The following ITPRID1 variants were observed in gnomAD, a reference collection of about 807,000 sequenced individuals.
ITPRID1 encodes ITPR interacting domain containing 1, also known as protein ITPRID1.
ITPRID1 carries 96 observed loss-of-function variants against 95.4 expected under a neutral mutation model. The observed-to-expected ratio is 1.01, with a 90% CI of 0.85 to 1.19. ITPRID1 has a LOEUF of 1.19. ITPRID1 is among the 50% of genes most tolerant of loss of function. The pLI is 0.00. For missense variants in ITPRID1, 1,339 were observed against 1,252.9 expected (o/e 1.07, Z -1.04); for synonymous variants, 510 against 453.6 (o/e 1.12, Z -1.58).
chr7:31,645,119 G>A (rs1336298017), intron 12 of ITPRID1, among the ~76,000 whole-genome samples: 1 of 152,174 alleles, frequency 6.6e-6, no homozygotes, highest in East Asian at 1.9e-4. Context: ...GACTAAGTGG[G>A]AAGTCCAAAT....
chr7:31,624,304 G>A (rs904119371), intron 10 of ITPRID1, among the ~76,000 whole-genome samples: 41 of 142,496 alleles, frequency 2.9e-4, no homozygotes, highest in South Asian at 2.5e-4. Flanking sequence ...AAAAGAGCCC[G>A]CATCACCAAG....
intron 10 of ITPRID1, among the ~76,000 whole-genome samples, chr7:31,592,068 AG>A (rs1225750756): frequency 3.9e-5 from 6 of 152,346 alleles, no homozygotes; most frequent in African/African-American, 1.4e-4. Context: ...ATAATTTAGA[AG>A]GGTAAGAAAA....
At chr7:31,603,792 A>G (rs1786498752) in intron 10 of ITPRID1, among the ~76,000 whole-genome samples, 1 of 152,036 alleles carries the variant, frequency 6.6e-6, no homozygotes, top group Admixed American at 6.6e-5. Flanking sequence ...CAATCGCCCA[A>G]TTTTGCATCT....
chr7:31,645,439 A>C (rs1790379059), intron 12 of ITPRID1, among the ~76,000 whole-genome samples: 1 of 152,216 alleles, frequency 6.6e-6, no homozygotes. Context: ...GGTAAGAGAA[A>C]GCTTCATTTA....
At chr7:31,551,028 T>C (rs545402212) in intron 2 of ITPRID1, among the ~76,000 whole-genome samples, 1 of 143,910 alleles carries the variant, frequency 6.9e-6, no homozygotes, top group African/African-American at 2.4e-5. Flanking sequence ...CCATTCTAAA[T>C]GAAACTCACT....
chr7:31,617,687 G>GATTTAT (rs1340580006), intron 10 of ITPRID1, among the ~76,000 whole-genome samples: 26 of 152,082 alleles, frequency 1.7e-4, no homozygotes, highest in African/African-American at 6.0e-4. Context: ...GTCATTTTCT[G>GATTTAT]ATTTATATTA....
chr7:31,637,394 A>G (rs553876300), intron 10 of ITPRID1, among the ~76,000 whole-genome samples: 102 of 152,104 alleles, frequency 6.7e-4, no homozygotes, highest in African/African-American at 2.2e-3. Context: ...CCTCTCCAGC[A>G]CCTGTTGTTT....
chr7:31,622,201 G>T (rs6972480), intron 10 of ITPRID1, among the ~76,000 whole-genome samples: 8 of 128,904 alleles, frequency 6.2e-5, no homozygotes, highest in Non-Finnish European at 1.3e-4. Flanking sequence ...ATCAACGAGA[G>T]AGAAAGTCAA....
At chr7:31,518,923 T>G (rs1249536740) in intron 1 of ITPRID1, among the ~76,000 whole-genome samples, 1 of 152,180 alleles carries the variant, frequency 6.6e-6, no homozygotes, top group African/African-American at 2.4e-5. Flanking sequence ...CAAAAGAAGT[T>G]GGGCAAGTCA....
chr7:31,649,420 T>G (rs1283284659), intron 12 of ITPRID1, among the ~76,000 whole-genome samples: 1 of 152,166 alleles, frequency 6.6e-6, no homozygotes, highest in Non-Finnish European at 1.5e-5. Flanking sequence ...TCAGTTTCCT[T>G]TAAAGCACAC....
chr7:31,591,851 CA>C (rs1293376259), intron 10 of ITPRID1, among the ~76,000 whole-genome samples: 1 of 151,908 alleles, frequency 6.6e-6, no homozygotes, highest in Non-Finnish European at 1.5e-5. Context: ...ACTGTTGTAA[CA>C]AAAATGGTAG....
intron 10 of ITPRID1, among the ~76,000 whole-genome samples, chr7:31,625,093 G>A (rs1408632273): frequency 6.6e-6 from 1 of 152,176 alleles, no homozygotes; most frequent in African/African-American, 2.4e-5. Context: ...ACACCAGTTA[G>A]AATGGCAATC....
chr7:31,554,644 G>A (rs12155214), intron 4 of ITPRID1, 121 bp downstream of exon 4: 3 of 1,229,524 alleles, frequency 2.4e-6, no homozygotes, highest in South Asian at 1.4e-5. Flanking sequence ...TTAATTGTAC[G>A]TGAAGTATTA....
intron 5 of ITPRID1, among the ~76,000 whole-genome samples, chr7:31,568,064 T>C (rs1421164463): frequency 6.6e-6 from 1 of 151,558 alleles, no homozygotes; most frequent in Admixed American, 6.6e-5. Flanking sequence ...AGGCAGAGTT[T>C]GCAGTGAGCT....
At chr7:31,603,040 G>A (rs1267611800) in intron 10 of ITPRID1, among the ~76,000 whole-genome samples, 1 of 151,940 alleles carries the variant, frequency 6.6e-6, no homozygotes, top group African/African-American at 2.4e-5. Context: ...TGTCTTGGGG[G>A]TAGCCACACT....
In ITPRID1 at chr7:31,652,572, T is replaced by C. The variant is rs1791059259; in HGVS notation, c.2878T>C (p.Tyr960His). The C allele has an allele frequency of 5.0e-6, 8 of 1,611,274 alleles. No homozygotes were observed. The East Asian group carries it at 1.6e-4, about 32-fold the overall frequency. Residue 960 changes from tyrosine (Y) to histidine (H), a missense_variant, in exon 15 of 15, where the codon TAT becomes CAT. By Grantham distance (83) the Tyr-to-His change is moderately conservative (BLOSUM62 2). Transcript: ENST00000615280. ...TGAACACTATTCAAATCTGCATCAA[T>C]ATAACTGGATAGAAGAAAGCAATGG... ...PPEHYSNLHQ[Y>H]NWIEESNGQT...
intron 10 of ITPRID1, among the ~76,000 whole-genome samples, chr7:31,637,233 G>A: frequency 6.6e-6 from 1 of 151,634 alleles, no homozygotes; most frequent in African/African-American, 2.4e-5. Context: ...ATGATTTATA[G>A]TCCTTTGGGT....
Position 31,643,863 on chromosome 7 carries a change from C to A in ITPRID1, c.2493C>A (p.His831Gln). The change falls in exon 12 of 15, where the codon CAC (histidine) becomes CAA (glutamine). Residue 831 changes from histidine to glutamine, a missense_variant. His to Gln is a conservative substitution (Grantham distance 24). Transcript: ENST00000615280. ...SPGPEPSVCR[H>Q]CLCSLTGHQE... Reference sequence around the variant, plus strand: ...GCCCTGAACCCTCAGTCTGTAGGCACTGCCTGTGTTCACTAACTGGTCACC... The same window carrying A: ...GCCCTGAACCCTCAGTCTGTAGGCAATGCCTGTGTTCACTAACTGGTCACC... 1 of 1,613,936 alleles carries A rather than the reference C, an allele frequency of 6.2e-7. No individual in the cohort carries two copies. Among genetic ancestry groups the A allele is most frequent in the South Asian group, 1.1e-5 (1 of 91,086 alleles).
chr7:31,639,486 T>C (rs181733732), intron 10 of ITPRID1, among the ~76,000 whole-genome samples: 1 of 151,956 alleles, frequency 6.6e-6, no homozygotes, highest in Admixed American at 6.5e-5. Context: ...TCATCTTTCC[T>C]CTAGCTTCTT....
Sources: allele counts gnomAD v4.1 joint callset (sites outside exome capture counted in the v4.1 genomes callset), GRCh38; gene constraint gnomAD v4.1.1; transcripts MANE v1.5; gene names NCBI Gene and HGNC (gene_info 2026-07-23, HGNC 2026-07-21).